Variants in NEO1 observed in about 807,000 individuals in gnomAD.
The protein encoded by NEO1 is neogenin 1.
In NEO1, 63 loss-of-function variants were observed where a neutral mutation model predicts 159.7. The ratio of observed to expected loss-of-function variants is 0.39; its 90% CI spans 0.32 to 0.49. The LOEUF (loss-of-function observed/expected upper bound fraction) is 0.49, where lower values mean the gene tolerates loss of function less well. NEO1 is among the 20% of genes least tolerant of loss of function. NEO1 has a pLI of 0.85. For missense variants in NEO1, 1,615 were observed against 1,831.0 expected (o/e 0.88, Z 2.15); for synonymous variants, 633 against 662.0 (o/e 0.96, Z 0.67).
intron 9 of NEO1, 75 bp from the exon 10 acceptor site, chr15:73,248,985 C>A: frequency 7.1e-7 from 1 of 1,415,188 alleles, no homozygotes; most frequent in Non-Finnish European, 9.7e-7. Flanking sequence ...GCCAATATGA[C>A]AGTATTGCCA....
intron 15 of NEO1, among the ~76,000 whole-genome samples, chr15:73,265,741 G>T (rs1208726717): frequency 2.6e-5 from 4 of 152,194 alleles, no homozygotes; most frequent in Non-Finnish European, 5.9e-5. Context: ...AATCTAGGGA[G>T]TGGGTGGGCC....
chr15:73,238,822 G>GT (rs903292565), intron 8 of NEO1, among the ~76,000 whole-genome samples: 1 of 151,064 alleles, frequency 6.6e-6, no homozygotes, highest in Non-Finnish European at 1.5e-5. Context: ...AATGATGGGG[G>GT]TTTTTTTGTT....
At chr15:73,123,696 C>T (rs1188136624) in intron 3 of NEO1, among the ~76,000 whole-genome samples, 1 of 152,162 alleles carries the variant, frequency 6.6e-6, no homozygotes, top group African/African-American at 2.4e-5. Context: ...TGTAGCTCAT[C>T]ATAGCCCCTC....
At position 73,273,096 on chromosome 15, in the gene NEO1, G is replaced by A. The variant is rs79783496; in HGVS notation, c.2965+534G>A. Among the ~76,000 whole-genome samples the A allele has an allele frequency of 3.6e-4, 54 of 150,966 alleles. No individual in the cohort carries two copies. In the East Asian group the frequency reaches 6.7e-3, roughly 19 times the overall value. On this transcript the variant is annotated intron_variant, in intron 19 of 28. Transcript: ENST00000261908. Reference sequence around the variant, plus strand: ...GTGAACTTGCCTAGGTCTTTGTAGGGACCTGGAATTTTTTCCTTGTACTTT... The same window carrying A: ...GTGAACTTGCCTAGGTCTTTGTAGGAACCTGGAATTTTTTCCTTGTACTTT...
intron 23 of NEO1, among the ~76,000 whole-genome samples, chr15:73,286,849 C>T (rs1438765964): frequency 1.3e-5 from 2 of 152,164 alleles, no homozygotes; most frequent in Admixed American, 1.3e-4. Flanking sequence ...TTCAAATCTG[C>T]CTCTTGCCTC....
intron 1 of NEO1, among the ~76,000 whole-genome samples, chr15:73,102,456 A>G (rs938199135): frequency 1.3e-5 from 2 of 152,126 alleles, no homozygotes; most frequent in African/African-American, 2.4e-5. Flanking sequence ...TTCACTTTCC[A>G]TCTTGTTCCT....
intron 1 of NEO1, among the ~76,000 whole-genome samples, chr15:73,110,904 AATG>A (rs1274581130): frequency 6.6e-5 from 10 of 152,126 alleles, no homozygotes; most frequent in Admixed American, 5.9e-4. Context: ...GGGTAAAGAA[AATG>A]ATGATAGATC....
At chr15:73,074,073 C>T (rs550042940) in intron 1 of NEO1, among the ~76,000 whole-genome samples, 11 of 152,322 alleles carry the variant, frequency 7.2e-5, no homozygotes, top group African/African-American at 2.6e-4. Flanking sequence ...CAACAAATCT[C>T]TCCCTGCAGC....
intron 16 of NEO1, among the ~76,000 whole-genome samples, chr15:73,266,780 T>C (rs947582753): frequency 6.6e-6 from 1 of 152,186 alleles, no homozygotes; most frequent in African/African-American, 2.4e-5. Flanking sequence ...TGGCAATAAA[T>C]GCATGCGATT....
At chr15:73,208,372 T>TA (rs1169165504) in intron 7 of NEO1, among the ~76,000 whole-genome samples, 3 of 152,246 alleles carry the variant, frequency 2.0e-5, no homozygotes, top group Non-Finnish European at 4.4e-5. Context: ...TTACAAATTT[T>TA]ACCTGTACAG....
rs1279518941 is a variant in NEO1 at position 73,084,208 on chromosome 15, A to G, written c.130+31403A>G. Among the ~76,000 whole-genome samples the G allele has an allele frequency of 2.0e-5, 3 of 152,120 alleles. No homozygotes were observed. The East Asian group carries it at 5.8e-4, about 29-fold the overall frequency. On this transcript the variant is annotated intron_variant, in intron 1 of 28. Transcript: ENST00000261908. ...ATTTTCAAGAATATAATACATTGTTATAATATTAACTACACTAACCTTATT... is the reference window on the plus strand; with the variant it reads ...ATTTTCAAGAATATAATACATTGTTGTAATATTAACTACACTAACCTTATT...
intron 7 of NEO1, among the ~76,000 whole-genome samples, chr15:73,186,455 A>G (rs2035934675): frequency 6.6e-6 from 1 of 152,220 alleles, no homozygotes. Flanking sequence ...TACCCATGCT[A>G]CAAGAAATGT....
chr15:73,117,748 A>G (rs1396205481), intron 2 of NEO1, among the ~76,000 whole-genome samples: 1 of 152,146 alleles, frequency 6.6e-6, no homozygotes, highest in Non-Finnish European at 1.5e-5. Flanking sequence ...AAATACTCAA[A>G]GTTGAATTTG....
At chr15:73,075,892 T>A (rs35060813) in intron 1 of NEO1, among the ~76,000 whole-genome samples, 1 of 152,008 alleles carries the variant, frequency 6.6e-6, no homozygotes, top group African/African-American at 2.4e-5. Flanking sequence ...GGTTGCACTT[T>A]ACTTGAGCTG....
chr15:73,073,143 G>T (rs2068615485), intron 1 of NEO1, among the ~76,000 whole-genome samples: 1 of 152,164 alleles, frequency 6.6e-6, no homozygotes, highest in Non-Finnish European at 1.5e-5. Context: ...AGAAAGATGG[G>T]TTATTATAAG....
Position 73,278,187 on chromosome 15 carries a change from C to G in NEO1, c.3250C>G (p.Pro1084Ala). Reference sequence around the variant, plus strand: ...GCCAGACCTAGGATCCGACTACAAACCTCCAATGAGCGGTAAAGCCTTTCC... The same window carrying G: ...GCCAGACCTAGGATCCGACTACAAAGCTCCAATGAGCGGTAAAGCCTTTCC... ...RLPDLGSDYK[P>A]PMSGSNSPHG... Residue 1084 changes from proline (P) to alanine (A), a missense_variant, in exon 22 of 29, where the codon CCT becomes GCT. Physicochemically the swap from Pro to Ala is conservative, Grantham distance 27. Transcript: ENST00000261908. 1.9e-6 allele frequency: 3 copies of G among 1,612,988 alleles called. No homozygotes were observed. The highest frequency in any genetic ancestry group is 2.7e-5 in the African/African-American group (2 of 75,014).
chr15:73,278,332 T>G, intron 22 of NEO1, 133 bp downstream of exon 22: 1 of 696,726 alleles, frequency 1.4e-6, no homozygotes, highest in Admixed American at 2.8e-5. Flanking sequence ...ATTGCTAGAT[T>G]TAAGTGTTTG....
chr15:73,269,038 G>A (rs2041046817), intron 16 of NEO1, among the ~76,000 whole-genome samples: 1 of 152,178 alleles, frequency 6.6e-6, no homozygotes, highest in African/African-American at 2.4e-5. Flanking sequence ...TACCTTTCCT[G>A]AAGGAAGAGT....
intron 19 of NEO1, 52 bp from the exon 20 acceptor site, chr15:73,273,759 C>A: frequency 6.9e-7 from 1 of 1,444,532 alleles, no homozygotes; most frequent in Non-Finnish European, 9.5e-7. Context: ...TTACTGAAGG[C>A]AAAAGGAAAA....
Sources: gnomAD v4.1 joint callset for allele counts (sites outside exome capture counted in the v4.1 genomes callset) on GRCh38, gnomAD v4.1.1 for gene constraint, MANE v1.5 for transcripts, NCBI Gene and HGNC (gene_info 2026-07-23, HGNC 2026-07-21) for gene names.